Variants in GTF2H3 observed in about 807,000 individuals in gnomAD.
The protein encoded by GTF2H3 is general transcription factor IIH subunit 3.
A neutral mutation model predicts 51.1 loss-of-function variants in GTF2H3; 42 were observed. The ratio of observed to expected loss-of-function variants is 0.82; its 90% CI spans 0.64 to 1.06. GTF2H3 has a LOEUF of 1.06. Among genes scored for constraint, GTF2H3 ranks in the 50% least tolerant of loss-of-function variants. The probability of loss-of-function intolerance (pLI) is 0.00; values close to 1 mark genes in which losing one functional copy is unlikely to be tolerated. For synonymous variants in GTF2H3, 123 were observed against 123.8 expected, an observed-to-expected ratio of 0.99 and a Z score of 0.04; for missense variants, 326 against 366.1, an observed-to-expected ratio of 0.89 and a Z score of 0.89.
intron 1 of GTF2H3, 22 bp downstream of exon 1, chr12:123,633,894 A>G (rs1274049858): frequency 6.2e-7 from 1 of 1,612,882 alleles, no homozygotes; most frequent in Non-Finnish European, 8.5e-7. Flanking sequence ...GCAGGGCGGG[A>G]CTTCGACTCC....
rs748200704 is a variant in GTF2H3 at position 123,660,264 on chromosome 12, G to T, written c.*29G>T. On this transcript the variant is annotated 3_prime_UTR_variant, in exon 13 of 13. Transcript: ENST00000543341. ...TAAAATATTTTCCCCATCTTTTAGA[G>T]CTGTTAATAGAAATTATATAGCAGA... 1.2e-5 allele frequency: 18 copies of T among 1,494,748 alleles called. No homozygotes were observed. Among genetic ancestry groups the T allele is most frequent in the Non-Finnish European group, 1.7e-5 (18 of 1,085,368 alleles). 92.6% of individuals were successfully genotyped at this position (1,494,748 alleles called of 1,614,324 possible).
intron 2 of GTF2H3, among the ~76,000 whole-genome samples, chr12:123,642,161 A>C (rs1207270126): frequency 8.2e-6 from 1 of 122,620 alleles, no homozygotes; most frequent in East Asian, 2.5e-4. Flanking sequence ...GCCTTCAGTT[A>C]TTTTCTTTTT....
chr12:123,654,550 GGT>G (rs11572978), intron 7 of GTF2H3, among the ~76,000 whole-genome samples: 375 of 149,934 alleles, frequency 2.5e-3, no homozygotes, highest in African/African-American at 8.2e-3. Context: ...TGTATTTTTG[GGT>G]GTGTGTGTGT....
chr12:123,648,246 A>G (rs1447532552), intron 4 of GTF2H3, 120 bp downstream of exon 4: 1 of 651,346 alleles, frequency 1.5e-6, no homozygotes, highest in Non-Finnish European at 2.5e-6. Context: ...CACTTTTTAA[A>G]AATCATTTTC....
At chr12:123,648,562 C>T (rs1955480087) in intron 4 of GTF2H3, among the ~76,000 whole-genome samples, 1 of 152,146 alleles carries the variant, frequency 6.6e-6, no homozygotes, top group African/African-American at 2.4e-5. Flanking sequence ...GACTTTCTTT[C>T]ATGCTCAAAT....
intron 9 of GTF2H3, 148 bp downstream of exon 9, chr12:123,655,972 G>A (rs1052350294): frequency 4.7e-5 from 25 of 534,358 alleles, no homozygotes; most frequent in African/African-American, 1.7e-4. Flanking sequence ...TCCCCCTTAC[G>A]TATGGAGCTA....
At chr12:123,641,935 C>T (rs189225071) in intron 2 of GTF2H3, among the ~76,000 whole-genome samples, 2 of 152,174 alleles carry the variant, frequency 1.3e-5, no homozygotes, top group East Asian at 3.9e-4. Flanking sequence ...CTCCCTGCAA[C>T]CTCCATCTCC....
intron 8 of GTF2H3, chr12:123,655,537 G>A: frequency 2.2e-6 from 1 of 457,096 alleles, no homozygotes; most frequent in Non-Finnish European, 3.9e-6. Context: ...AAAGAGCCTG[G>A]ACTTTGGAGA....
chr12:123,660,294 T>A lies in GTF2H3; in HGVS notation c.*59T>A. ...TAATAGAAATTATATAGCAGATTCT[T>A]TGTTGGGAAGACTGAAAAAAATAAA... On this transcript the variant is annotated 3_prime_UTR_variant, in exon 13 of 13. Coordinates refer to ENST00000543341, the MANE Select transcript of GTF2H3 (RefSeq NM_001516.5). The A allele has an allele frequency of 8.0e-7, 1 of 1,245,146 alleles. No individual in the cohort carries two copies. The highest frequency in any genetic ancestry group is 1.1e-6 in the Non-Finnish European group (1 of 872,556). The allele number at this position is 1,245,146 out of a possible 1,614,324, so 77.1% of individuals were successfully genotyped here. A position where few individuals can be genotyped will look rare whatever the true frequency, so the allele number is the denominator to read the frequency against.
At chr12:123,633,973 C>T (rs1017864215) in intron 1 of GTF2H3, 101 bp downstream of exon 1, 18 of 1,332,222 alleles carry the variant, frequency 1.4e-5, no homozygotes, top group Non-Finnish European at 1.8e-5. Context: ...GGATAGAATC[C>T]GTTTGGTCTT....
chr12:123,660,131 A>G (rs373168132), intron 12 of GTF2H3, 35 bp from the exon 13 acceptor site: 8 of 1,609,126 alleles, frequency 5.0e-6, no homozygotes, highest in Non-Finnish European at 5.9e-6. Flanking sequence ...ACAGCTCTAG[A>G]ACATTAAAAA....
intron 2 of GTF2H3, among the ~76,000 whole-genome samples, chr12:123,643,148 G>A (rs969863260): frequency 6.6e-6 from 1 of 152,172 alleles, no homozygotes; most frequent in East Asian, 1.9e-4. Context: ...AAAGTGCTGG[G>A]ATTACAGGTG....
intron 2 of GTF2H3, among the ~76,000 whole-genome samples, chr12:123,643,958 G>C (rs762564566): frequency 6.6e-6 from 1 of 152,088 alleles, no homozygotes; most frequent in African/African-American, 2.4e-5. Context: ...AGCATCCCGA[G>C]AAGCTGGGAC....
intron 2 of GTF2H3, among the ~76,000 whole-genome samples, chr12:123,641,490 T>G (rs986960094): frequency 6.6e-6 from 1 of 151,552 alleles, no homozygotes; most frequent in Admixed American, 6.6e-5. Flanking sequence ...CCTCCCAAAG[T>G]GCTGGGGTTA....
intron 1 of GTF2H3, among the ~76,000 whole-genome samples, chr12:123,634,537 G>A (rs2135772220): frequency 6.6e-6 from 1 of 152,362 alleles, no homozygotes; most frequent in African/African-American, 2.4e-5. Flanking sequence ...ATTGTGACTA[G>A]GATTGAGGAG....
At chr12:123,635,823 T>C (rs1190894656) in intron 1 of GTF2H3, among the ~76,000 whole-genome samples, 2 of 152,178 alleles carry the variant, frequency 1.3e-5, no homozygotes. Context: ...CACAACTAAC[T>C]GTAAAATAAA....
intron 3 of GTF2H3, 62 bp downstream of exon 3, chr12:123,645,623 G>A (rs899431238): frequency 3.6e-5 from 31 of 871,608 alleles, no homozygotes; most frequent in Admixed American, 1.3e-4. Context: ...TTCTGTGCCA[G>A]TTGGCATGTA....
intron 6 of GTF2H3, 39 bp downstream of exon 6, chr12:123,652,600 C>T: frequency 6.7e-7 from 1 of 1,493,222 alleles, no homozygotes; most frequent in Non-Finnish European, 9.2e-7. Context: ...TGTAATCCTA[C>T]TTATTTTACT....
At chr12:123,640,493 C>T (rs944434539) in intron 2 of GTF2H3, among the ~76,000 whole-genome samples, 12 of 151,470 alleles carry the variant, frequency 7.9e-5, no homozygotes, top group Admixed American at 2.0e-4. Context: ...TCCGTCACCA[C>T]GCCCAGCTAA....
Sources: allele counts gnomAD v4.1 joint callset (sites outside exome capture counted in the v4.1 genomes callset), GRCh38; gene constraint gnomAD v4.1.1; transcripts MANE v1.5; gene names NCBI Gene and HGNC (gene_info 2026-07-23, HGNC 2026-07-21).